Variants in MBD5 observed in about 807,000 individuals in gnomAD.
The protein encoded by MBD5 is methyl-CpG-binding domain protein 5.
In MBD5, 13 loss-of-function variants were observed where a neutral mutation model predicts 117.3. The ratio of observed to expected loss-of-function variants is 0.11; its 90% CI spans 0.07 to 0.18. MBD5 has a LOEUF of 0.18. Among genes scored for constraint, MBD5 ranks in the 10% least tolerant of loss-of-function variants. The pLI is 1.00. For synonymous variants in MBD5, 727 were observed against 766.4 expected, an observed-to-expected ratio of 0.95 and a Z score of 0.85; for missense variants, 1,879 against 2,093.8, an observed-to-expected ratio of 0.90 and a Z score of 2.00.
At chr2:148,326,134 A>G (rs1429648759) in intron 3 of MBD5, among the ~76,000 whole-genome samples, 1 of 152,174 alleles carries the variant, frequency 6.6e-6, no homozygotes, top group Non-Finnish European at 1.5e-5. Flanking sequence ...GTTTCCTTGT[A>G]GGTGAGTGGT....
chr2:148,481,034 T>A lies in MBD5; in HGVS notation c.2519-2076T>A, dbSNP rs565315282. ...CAATAATGATGATAACTCCTTTTATTTTTATAGACTTTTCCATATTTCAGA... is the reference window on the plus strand; with the variant it reads ...CAATAATGATGATAACTCCTTTTATATTTATAGACTTTTCCATATTTCAGA... On this transcript the variant is annotated intron_variant, in intron 8 of 13. Transcript: ENST00000642680. Among the ~76,000 whole-genome samples, 291 of 152,256 alleles carry A rather than the reference T, an allele frequency of 1.9e-3. 1 individual carries two copies. The highest frequency in any genetic ancestry group is 6.8e-3 in the African/African-American group (282 of 41,552).
chr2:148,134,386 TTTGC>T (rs1321223425), intron 1 of MBD5, among the ~76,000 whole-genome samples: 1 of 152,210 alleles, frequency 6.6e-6, no homozygotes, highest in Non-Finnish European at 1.5e-5. Context: ...ATAGCTGGGC[TTTGC>T]TTTTTAACCC....
chr2:148,356,521 A>G, intron 4 of MBD5, among the ~76,000 whole-genome samples: 1 of 152,156 alleles, frequency 6.6e-6, no homozygotes, highest in East Asian at 1.9e-4. Flanking sequence ...CCCCATCATT[A>G]CTGTATTCCT....
In MBD5 at chr2:148,468,817, G is replaced by T; in HGVS notation, c.874G>T (p.Ala292Ser). The T allele has an allele frequency of 6.2e-7, 1 of 1,613,794 alleles. No homozygotes were observed. The highest frequency in any genetic ancestry group is 8.5e-7 in the Non-Finnish European group (1 of 1,179,852). ...TCCTGTACAGTCATCCTGTGCAATG[G>T]CTGGAAGGACTAATATACCTCTTTC... ...GSPVQSSCAM[A>S]GRTNIPLSPT... Residue 292 changes from alanine to serine, a missense_variant, in exon 8 of 14, where the codon GCT becomes TCT. Coordinates refer to ENST00000642680, the MANE Select transcript of MBD5 (RefSeq NM_001378120.1).
intron 1 of MBD5, chr2:148,041,270 G>T (rs992235544): frequency 2.6e-5 from 4 of 152,202 alleles, no homozygotes; most frequent in African/African-American, 9.7e-5. Context: ...TGGACTCTAT[G>T]ACTTGTTTTG....
Position 148,445,235 on chromosome 2 carries a change from C to T in MBD5, c.-556-12968C>T, listed in dbSNP as rs576589977. The stretch of plus-strand genomic sequence containing the variant: ...ATGTGCCATGTTGGTGTGCTGCACC[C>T]ATTAACTCGTCATTTACATTAGGTG... On this transcript the variant is annotated intron_variant, in intron 4 of 13. Transcript: ENST00000642680. Among the ~76,000 whole-genome samples, 12 of 151,244 alleles carry T rather than the reference C, an allele frequency of 7.9e-5. No homozygotes were observed. In the South Asian group the frequency reaches 8.3e-4, roughly 10 times the overall value.
chr2:148,326,440 A>G (rs895285713), intron 3 of MBD5, among the ~76,000 whole-genome samples: 11 of 152,092 alleles, frequency 7.2e-5, no homozygotes, highest in Admixed American at 5.2e-4. Flanking sequence ...GTGGGGTGTT[A>G]AAATCTCCCA....
intron 1 of MBD5, among the ~76,000 whole-genome samples, chr2:148,067,946 A>G (rs887521187): frequency 2.0e-5 from 3 of 152,248 alleles, no homozygotes; most frequent in Non-Finnish European, 2.9e-5. Context: ...AACATTGCTT[A>G]TGGTAGAAAT....
intron 4 of MBD5, among the ~76,000 whole-genome samples, chr2:148,375,595 G>A (rs913138049): frequency 6.6e-6 from 1 of 152,100 alleles, no homozygotes; most frequent in Non-Finnish European, 1.5e-5. Flanking sequence ...CTTGCTGTTA[G>A]CAGTCTGGAA....
intron 4 of MBD5, among the ~76,000 whole-genome samples, chr2:148,375,511 G>A (rs1368343372): frequency 6.6e-6 from 1 of 152,156 alleles, no homozygotes; most frequent in Non-Finnish European, 1.5e-5. Flanking sequence ...AGGAAGATTT[G>A]CATCCCCAGT....
At chr2:148,268,024 A>G (rs1700900371) in intron 3 of MBD5, among the ~76,000 whole-genome samples, 1 of 140,688 alleles carries the variant, frequency 7.1e-6, no homozygotes. Flanking sequence ...ATCTCATCTC[A>G]CTTTGACCTC....
intron 1 of MBD5, among the ~76,000 whole-genome samples, chr2:148,077,913 G>T (rs1354379282): frequency 6.6e-6 from 1 of 152,030 alleles, no homozygotes; most frequent in Non-Finnish European, 1.5e-5. Flanking sequence ...TGGGAGACTC[G>T]ATAGATTAAA....
At chr2:148,420,572 A>G (rs1342834183) in intron 4 of MBD5, among the ~76,000 whole-genome samples, 1 of 152,154 alleles carries the variant, frequency 6.6e-6, no homozygotes, top group African/African-American at 2.4e-5. Context: ...ATTTGTGTAT[A>G]TGTTTTTAGA....
intron 2 of MBD5, among the ~76,000 whole-genome samples, chr2:148,218,858 A>T (rs1699617909): frequency 1.3e-5 from 2 of 152,202 alleles, no homozygotes. Context: ...GCTCTGAGTG[A>T]GTCAGTGAGT....
chr2:148,487,623 G>A (rs1681381097), intron 10 of MBD5, among the ~76,000 whole-genome samples: 1 of 152,158 alleles, frequency 6.6e-6, no homozygotes, highest in Non-Finnish European at 1.5e-5. Flanking sequence ...TGACTTAGTG[G>A]AATGCAGTTT....
chr2:148,359,139 C>T (rs925032108), intron 4 of MBD5, among the ~76,000 whole-genome samples: 5 of 151,796 alleles, frequency 3.3e-5, no homozygotes, highest in South Asian at 4.2e-4. Context: ...GCACCCTGCA[C>T]GCCTGTAGTC....
intron 12 of MBD5, among the ~76,000 whole-genome samples, chr2:148,507,609 A>T (rs1322077495): frequency 6.6e-6 from 1 of 150,642 alleles, no homozygotes; most frequent in African/African-American, 2.4e-5. Context: ...AATACAAAAA[A>T]TTAGCCGGGC....
intron 3 of MBD5, chr2:148,264,435 A>G (rs1700809219): frequency 6.6e-6 from 1 of 152,198 alleles, no homozygotes; most frequent in Non-Finnish European, 1.5e-5. Context: ...CTGGTATTCA[A>G]ACCTGATCAG....
chr2:148,269,149 G>A (rs1700923672), intron 3 of MBD5, among the ~76,000 whole-genome samples: 1 of 151,906 alleles, frequency 6.6e-6, no homozygotes, highest in Non-Finnish European at 1.5e-5. Context: ...CTTTAAAAGG[G>A]AGCAGCTTTT....
Sources: allele counts gnomAD v4.1 joint callset (sites outside exome capture counted in the v4.1 genomes callset), GRCh38; gene constraint gnomAD v4.1.1; transcripts MANE v1.5; gene names NCBI Gene and HGNC (gene_info 2026-07-23, HGNC 2026-07-21).